The following LIPC variants were observed in gnomAD, a reference collection of about 807,000 sequenced individuals.
The protein encoded by LIPC is lipase C, hepatic type.
Under a neutral mutation model 50.7 loss-of-function variants are expected in LIPC, and 44 were observed. The ratio of observed to expected loss-of-function variants is 0.87; its 90% CI spans 0.68 to 1.11. The LOEUF is 1.11. Ranked by LOEUF, LIPC falls within the 50% of genes most tolerant of loss-of-function variation. LIPC has a pLI of 0.00. For synonymous variants in LIPC, 271 were observed against 256.4 expected (o/e 1.06, Z -0.54); for missense variants, 697 against 648.2 (o/e 1.08, Z -0.82).
At chr15:58,470,818 G>C (rs566550206) in intron 1 of LIPC, among the ~76,000 whole-genome samples, 119 of 152,196 alleles carry the variant, frequency 7.8e-4, no homozygotes, top group Middle Eastern at 6.8e-3. Flanking sequence ...AGCCAGGATG[G>C]TCTTGATCTC....
chr15:58,461,328 G>A (rs1894341204), intron 1 of LIPC, among the ~76,000 whole-genome samples: 1 of 152,190 alleles, frequency 6.6e-6, no homozygotes, highest in Admixed American at 6.5e-5. Flanking sequence ...AGTTTATAGA[G>A]GCAGAGAAAC....
chr15:58,557,811 T>C (rs1289388807), intron 6 of LIPC, among the ~76,000 whole-genome samples: 2 of 152,194 alleles, frequency 1.3e-5, no homozygotes, highest in African/African-American at 4.8e-5. Flanking sequence ...CTCTGGAAGG[T>C]ACCCTGACTA....
intron 6 of LIPC, among the ~76,000 whole-genome samples, chr15:58,554,883 A>T (rs1241403222): frequency 6.6e-6 from 1 of 152,252 alleles, no homozygotes; most frequent in Non-Finnish European, 1.5e-5. Context: ...CTCCGTGCAG[A>T]CATGGAGTTT....
intron 8 of LIPC, chr15:58,566,452 T>C (rs983418449): frequency 4.5e-5 from 44 of 984,992 alleles, no homozygotes; most frequent in Non-Finnish European, 2.4e-5. Context: ...AGAATCATAA[T>C]ATACATTTCA....
At chr15:58,546,758 C>G (rs995742499) in intron 5 of LIPC, among the ~76,000 whole-genome samples, 12 of 152,140 alleles carry the variant, frequency 7.9e-5, no homozygotes, top group African/African-American at 2.7e-4. Context: ...GCCACCTCAC[C>G]CTGATCATCC....
At chr15:58,501,592 G>A (rs761576594) in intron 1 of LIPC, among the ~76,000 whole-genome samples, 9 of 152,184 alleles carry the variant, frequency 5.9e-5, no homozygotes, top group South Asian at 2.1e-4. Flanking sequence ...TTCCATCAGC[G>A]CTGAATGAAC....
chr15:58,525,857 G>A (rs1484973036), intron 1 of LIPC, among the ~76,000 whole-genome samples: 3 of 152,352 alleles, frequency 2.0e-5, no homozygotes, highest in African/African-American at 7.2e-5. Flanking sequence ...TGTTACAATA[G>A]CAATATCAAT....
intron 1 of LIPC, among the ~76,000 whole-genome samples, chr15:58,442,753 G>T (rs1003834578): frequency 6.6e-6 from 1 of 152,156 alleles, no homozygotes; most frequent in Non-Finnish European, 1.5e-5. Context: ...TTCCTCTCTG[G>T]TATAGCTGAA....
intron 1 of LIPC, among the ~76,000 whole-genome samples, chr15:58,465,628 G>C (rs1418117578): frequency 2.0e-5 from 3 of 152,108 alleles, no homozygotes; most frequent in African/African-American, 7.2e-5. Context: ...AGTGAATCCA[G>C]GAAGTTGGAG....
intron 8 of LIPC, chr15:58,566,136 G>C: frequency 2.0e-6 from 2 of 979,560 alleles, no homozygotes; most frequent in Non-Finnish European, 2.4e-6. Flanking sequence ...CAAGCGACCA[G>C]GCAATGCTGT....
intron 1 of LIPC, among the ~76,000 whole-genome samples, chr15:58,474,127 A>G (rs1183977695): frequency 2.0e-5 from 3 of 152,172 alleles, no homozygotes; most frequent in Admixed American, 6.5e-5. Flanking sequence ...CTTTGCTGAA[A>G]TCTCCAGGGG....
chr15:58,493,626 TA>T (rs1566928258), intron 1 of LIPC, among the ~76,000 whole-genome samples: 1 of 145,636 alleles, frequency 6.9e-6, no homozygotes, highest in Non-Finnish European at 1.5e-5. Flanking sequence ...TACGTATAAA[TA>T]AAATTTATAC....
chr15:58,494,389 C>T (rs1321369599), intron 1 of LIPC, among the ~76,000 whole-genome samples: 1 of 152,176 alleles, frequency 6.6e-6, no homozygotes, highest in Admixed American at 6.5e-5. Context: ...GTATGGTGAG[C>T]CCACATGAGG....
chr15:58,452,008 C>T (rs535129843), intron 1 of LIPC, among the ~76,000 whole-genome samples: 3 of 152,342 alleles, frequency 2.0e-5, no homozygotes, highest in South Asian at 2.1e-4. Context: ...GCTCAAGCAT[C>T]GTTCCTCCCA....
intron 1 of LIPC, among the ~76,000 whole-genome samples, chr15:58,452,333 C>T (rs1358901804): frequency 6.6e-6 from 1 of 152,212 alleles, no homozygotes; most frequent in African/African-American, 2.4e-5. Flanking sequence ...GAACGTCTGC[C>T]TATAAATGTA....
chr15:58,503,945 G>A (rs1040495500), intron 1 of LIPC, among the ~76,000 whole-genome samples: 2 of 152,100 alleles, frequency 1.3e-5, no homozygotes, highest in South Asian at 2.1e-4. Context: ...CACCAGTCCC[G>A]TTTCCTCAGA....
chr15:58,541,488 G>A (rs182842036), intron 2 of LIPC, among the ~76,000 whole-genome samples: 21 of 152,084 alleles, frequency 1.4e-4, no homozygotes, highest in African/African-American at 5.1e-4. Flanking sequence ...GTTCTCGGGA[G>A]GGGGCGGGGG....
intron 1 of LIPC, among the ~76,000 whole-genome samples, chr15:58,479,137 C>T (rs1233418492): frequency 6.6e-6 from 1 of 152,240 alleles, no homozygotes; most frequent in African/African-American, 2.4e-5. Flanking sequence ...ATGAGACACA[C>T]ACCTTAAGAT....
Position 58,548,391 on chromosome 15 carries a change from G to C in LIPC, c.870G>C (p.Leu290Phe), listed in dbSNP as rs1159144554. 7.4e-6 allele frequency: 12 copies of C among 1,614,096 alleles called. No homozygotes were observed. The highest frequency in any genetic ancestry group is 1.0e-5 in the Non-Finnish European group (12 of 1,180,010). ...ERSVHLFIDS[L>F]LHAGTQSMAY... is the part of the protein sequence containing the mutation. ...CGGTGCACCTTTTCATCGACTCCTT[G>C]CTGCACGCCGGCACGCAGAGCATGG... Residue 290 changes from leucine (L) to phenylalanine (F), a missense_variant, in exon 6 of 9, where the codon TTG becomes TTC. By Grantham distance (22) the Leu-to-Phe change is conservative (BLOSUM62 0). Coordinates refer to ENST00000299022, the MANE Select transcript of LIPC (RefSeq NM_000236.3).
Sources: gnomAD v4.1 joint callset for allele counts (sites outside exome capture counted in the v4.1 genomes callset) on GRCh38, gnomAD v4.1.1 for gene constraint, MANE v1.5 for transcripts, NCBI Gene and HGNC (gene_info 2026-07-23, HGNC 2026-07-21) for gene names.